The following BCL2L13 variants were observed in gnomAD, a reference collection of about 807,000 sequenced individuals.
BCL2L13 encodes the protein bcl-2-like protein 13.
A neutral mutation model predicts 25.8 loss-of-function variants in BCL2L13; 13 were observed. The observed-to-expected ratio is 0.50, with a 90% CI of 0.33 to 0.80. The LOEUF (loss-of-function observed/expected upper bound fraction) is 0.80, where lower values mean the gene tolerates loss of function less well. Among genes scored for constraint, BCL2L13 ranks in the 30% least tolerant of loss-of-function variants. BCL2L13 has a pLI of 0.02. For synonymous variants in BCL2L13, 244 were observed against 230.3 expected, an observed-to-expected ratio of 1.06 and a Z score of -0.54; for missense variants, 504 against 574.9, an observed-to-expected ratio of 0.88 and a Z score of 1.26.
chr22:17,656,114 G>A (rs1201531144), intron 2 of BCL2L13, among the ~76,000 whole-genome samples: 3 of 151,018 alleles, frequency 2.0e-5, no homozygotes, highest in Admixed American at 6.6e-5. Flanking sequence ...GGTGGCATGC[G>A]CCTGTAGTCC....
chr22:17,725,014 C>CA (rs60367571), intron 6 of BCL2L13, among the ~76,000 whole-genome samples: 2,238 of 152,312 alleles, frequency 0.015, 57 homozygotes, highest in African/African-American at 0.05. Flanking sequence ...TTGTGCCTGA[C>CA]ACAACCCTGA....
chr22:17,717,627 T>C (rs2060984492), intron 6 of BCL2L13, among the ~76,000 whole-genome samples: 1 of 152,148 alleles, frequency 6.6e-6, no homozygotes, highest in Non-Finnish European at 1.5e-5. Context: ...AAGGTAGAGA[T>C]TGTTTTATTA....
In BCL2L13 at chr22:17,705,775, T is replaced by C. The variant is rs141551831; in HGVS notation, c.600+3389T>C. ...TGTCTGTTATATAAAGCCTGTGGTATGATTTCCACGGGGAATGTATTTGTC... is the reference window on the plus strand; with the variant it reads ...TGTCTGTTATATAAAGCCTGTGGTACGATTTCCACGGGGAATGTATTTGTC... On this transcript the variant is annotated intron_variant, in intron 6 of 6. Transcript: ENST00000317582. 3.4e-3 allele frequency among the ~76,000 whole-genome samples: 522 copies of C among 152,264 alleles called. 3 individuals carry two copies. Among genetic ancestry groups the C allele is most frequent in the Middle Eastern group, 0.01 (3 of 294 alleles).
At chr22:17,702,573 A>T in intron 6 of BCL2L13, 187 bp downstream of exon 6, 1 of 485,916 alleles carries the variant, frequency 2.1e-6, no homozygotes, top group Non-Finnish European at 3.5e-6. Context: ...CTGAATAGCC[A>T]AGAGCACAGG....
chr22:17,698,226 T>A (rs2145684370), intron 5 of BCL2L13, among the ~76,000 whole-genome samples: 2 of 152,022 alleles, frequency 1.3e-5, no homozygotes, highest in South Asian at 4.2e-4. Context: ...GCAATTCTCC[T>A]GCCTCAACCT....
At chr22:17,662,320 A>G (rs1349441775) in intron 2 of BCL2L13, among the ~76,000 whole-genome samples, 1 of 152,068 alleles carries the variant, frequency 6.6e-6, no homozygotes, top group Non-Finnish European at 1.5e-5. Context: ...CTACTGAAAA[A>G]AACAAAAATT....
At chr22:17,706,329 GTTT>G (rs945929302) in intron 6 of BCL2L13, among the ~76,000 whole-genome samples, 11 of 136,272 alleles carry the variant, frequency 8.1e-5, no homozygotes, top group African/African-American at 2.7e-4. Flanking sequence ...TTTCTACCTT[GTTT>G]TTTTTTTTTT....
At chr22:17,666,213 ATTTT>A (rs951709438) in intron 2 of BCL2L13, among the ~76,000 whole-genome samples, 1 of 150,764 alleles carries the variant, frequency 6.6e-6, no homozygotes, top group Non-Finnish European at 1.5e-5. Context: ...TTTATTTTTT[ATTTT>A]TTTAAATTTT....
intron 4 of BCL2L13, among the ~76,000 whole-genome samples, chr22:17,690,329 G>GA (rs66462346): frequency 0.52 from 78,168 of 151,338 alleles, 20,853 homozygotes; most frequent in East Asian, 0.83. Context: ...CCATCTGAAA[G>GA]AAAAAAATTT....
chr22:17,698,556 T>A (rs2535706), intron 5 of BCL2L13, among the ~76,000 whole-genome samples: 109,783 of 129,882 alleles, frequency 0.85, 45,968 homozygotes, highest in East Asian at 0.93. Context: ...CCCTGTCTCT[T>A]AAAAAAAAAA....
At chr22:17,640,964 C>T (rs536428435) in intron 1 of BCL2L13, among the ~76,000 whole-genome samples, 12 of 151,306 alleles carry the variant, frequency 7.9e-5, no homozygotes, top group Non-Finnish European at 1.6e-4. Flanking sequence ...GATCTCGGCT[C>T]ACTGCAAGCT....
chr22:17,693,243 G>T (rs1291770863), intron 4 of BCL2L13, among the ~76,000 whole-genome samples: 1 of 151,356 alleles, frequency 6.6e-6, no homozygotes, highest in Non-Finnish European at 1.5e-5. Flanking sequence ...TAAGCTACCA[G>T]TAAGTGGTAG....
intron 6 of BCL2L13, among the ~76,000 whole-genome samples, chr22:17,708,484 G>GC (rs2060652236): frequency 3.3e-5 from 5 of 152,166 alleles, no homozygotes; most frequent in Admixed American, 2.6e-4. Flanking sequence ...TCATAGCATT[G>GC]TTGTGAGGTT....
At chr22:17,673,384 CA>C (rs1423360906) in intron 2 of BCL2L13, among the ~76,000 whole-genome samples, 164 of 130,574 alleles carry the variant, frequency 1.3e-3, no homozygotes, top group African/African-American at 4.7e-3. Flanking sequence ...TTTTTTGAGA[CA>C]GAGCCTCACT....
chr22:17,648,033 G>C lies in BCL2L13; in HGVS notation c.-50-7629G>C, dbSNP rs189981808. Among the ~76,000 whole-genome samples, 98 of 152,068 alleles carry C rather than the reference G, an allele frequency of 6.4e-4. 3 individuals carry two copies. In the South Asian group the frequency reaches 0.019, roughly 29 times the overall value. On this transcript the variant is annotated intron_variant, in intron 1 of 6. Coordinates refer to ENST00000317582, the MANE Select transcript of BCL2L13 (RefSeq NM_015367.4). ...TAGTCCGAGCTGCTTGGGAGGCTGA[G>C]GTAGGAGAATCGCTTGAACCCAGGA...
At chr22:17,668,478 A>T (rs1267235627) in intron 2 of BCL2L13, among the ~76,000 whole-genome samples, 1 of 146,140 alleles carries the variant, frequency 6.8e-6, no homozygotes, top group African/African-American at 2.5e-5. Flanking sequence ...CCTGAGATGG[A>T]GTCTCGCTCT....
rs184554870 is a variant in BCL2L13, at chr22:17,713,877, A to C, written c.600+11491A>C. Among the ~76,000 whole-genome samples, 250 of 151,342 alleles carry C rather than the reference A, an allele frequency of 1.7e-3. 1 individual carries two copies. Among genetic ancestry groups the C allele is most frequent in the Middle Eastern group, 0.014 (4 of 294 alleles). On this transcript the variant is annotated intron_variant, in intron 6 of 6. Coordinates refer to ENST00000317582, the MANE Select transcript of BCL2L13 (RefSeq NM_015367.4). ...AAAAATGGGCCAGGCACAGTGGCTCATGCTTGTAATCCCAACAGTTTGGGA... is the reference window on the plus strand; with the variant it reads ...AAAAATGGGCCAGGCACAGTGGCTCCTGCTTGTAATCCCAACAGTTTGGGA...
At chr22:17,673,020 T>C (rs970570540) in intron 2 of BCL2L13, among the ~76,000 whole-genome samples, 18 of 152,250 alleles carry the variant, frequency 1.2e-4, no homozygotes, top group African/African-American at 3.4e-4. Flanking sequence ...ATAATAATTC[T>C]ATTTACCAGA....
intron 6 of BCL2L13, among the ~76,000 whole-genome samples, chr22:17,704,363 G>A (rs2074827777): frequency 6.6e-6 from 1 of 152,034 alleles, no homozygotes; most frequent in Non-Finnish European, 1.5e-5. Context: ...GGGATTACAG[G>A]CATGAGCCAC....
Sources: gnomAD v4.1 joint callset for allele counts (sites outside exome capture counted in the v4.1 genomes callset) on GRCh38, gnomAD v4.1.1 for gene constraint, MANE v1.5 for transcripts, NCBI Gene and HGNC (gene_info 2026-07-23, HGNC 2026-07-21) for gene names.